SHB: variants seen among roughly 807,000 people sequenced by gnomAD.
SHB encodes the protein SH2 domain-containing adapter protein B.
In SHB, 20 loss-of-function variants were observed where a neutral mutation model predicts 52.3. The ratio of observed to expected loss-of-function variants is 0.38; its 90% confidence interval spans 0.27 to 0.56. The LOEUF is 0.56. Ranked by LOEUF, SHB falls within the 20% of genes least tolerant of loss-of-function variation. The pLI, the probability that SHB is intolerant of heterozygous loss-of-function variation, is 0.71. For missense variants in SHB, 825 were observed against 723.3 expected (o/e 1.14, Z -1.61); for synonymous variants, 397 against 316.5 (o/e 1.25, Z -2.70).
chr9:38,016,875 T>C (rs953925135), intron 1 of SHB, among the ~76,000 whole-genome samples: 4 of 152,146 alleles, frequency 2.6e-5, no homozygotes, highest in African/African-American at 9.7e-5. Context: ...TCCCCACTTG[T>C]CTGTAGTCCA....
intron 1 of SHB, among the ~76,000 whole-genome samples, chr9:38,036,887 T>C (rs1821496298): frequency 6.6e-6 from 1 of 152,198 alleles, no homozygotes; most frequent in South Asian, 2.1e-4. Flanking sequence ...CTGGATAACA[T>C]GTCCAAGGTC....
Position 38,068,840 on chromosome 9 carries a change from A to G in SHB, c.-195T>C, listed in dbSNP as rs1392964537. On this transcript the variant is annotated 5_prime_UTR_variant, in exon 1 of 6. Coordinates refer to ENST00000377707, the MANE Select transcript of SHB (RefSeq NM_003028.3). The stretch of plus-strand genomic sequence containing the variant: ...GCAGCTCTCTGGCTCCGGCGGCTGC[A>G]ACACCTCCCTCCGCCTAGCGCCGCC... 1.3e-5 allele frequency: 2 copies of G among 157,378 alleles called. No individual in the cohort carries two copies. The highest frequency in any genetic ancestry group is 2.8e-5 in the Non-Finnish European group (2 of 72,270). The allele number at this position is 157,378 out of a possible 1,614,324, so 9.7% of individuals were successfully genotyped here. A position where few individuals can be genotyped will look rare whatever the true frequency, so the allele number is the denominator to read the frequency against.
intron 5 of SHB, among the ~76,000 whole-genome samples, chr9:37,947,762 C>G (rs991178415): frequency 1.1e-4 from 16 of 152,198 alleles, no homozygotes; most frequent in Admixed American, 9.8e-4. Flanking sequence ...GGCCGGCTCT[C>G]CCTCCCATGG....
At chr9:37,940,211 G>GAGGTGCC (rs1832419678) in intron 5 of SHB, among the ~76,000 whole-genome samples, 1 of 152,226 alleles carries the variant, frequency 6.6e-6, no homozygotes, top group Non-Finnish European at 1.5e-5. Context: ...GAGTCCAGAA[G>GAGGTGCC]AGGTGCCAGT....
intron 1 of SHB, among the ~76,000 whole-genome samples, chr9:38,024,893 C>T (rs923436642): frequency 2.6e-5 from 4 of 152,158 alleles, no homozygotes; most frequent in African/African-American, 9.7e-5. Flanking sequence ...CTTGTGTGTG[C>T]ATGATTTCTG....
intron 5 of SHB, among the ~76,000 whole-genome samples, chr9:37,927,212 C>A (rs1036489207): frequency 2.0e-5 from 3 of 152,176 alleles, no homozygotes; most frequent in African/African-American, 7.2e-5. Flanking sequence ...CTCCTTCTAG[C>A]TGAGATGTTC....
At chr9:38,064,432 A>G (rs759203460) in intron 1 of SHB, among the ~76,000 whole-genome samples, 14 of 152,158 alleles carry the variant, frequency 9.2e-5, no homozygotes, top group African/African-American at 1.2e-4. Context: ...CAGGCCTCAC[A>G]TTGAGATTTT....
chr9:37,956,734 G>A (rs967775742), intron 3 of SHB, among the ~76,000 whole-genome samples: 2 of 152,184 alleles, frequency 1.3e-5, no homozygotes. Context: ...ACACCACAAA[G>A]AGCAGAAAGC....
rs1327582263 is a variant in SHB, at chr9:37,916,243, T to C, written c.*3578A>G. Among the ~76,000 whole-genome samples the C allele has an allele frequency of 1.3e-5, 2 of 152,236 alleles. No individual in the cohort carries two copies. The highest frequency in any genetic ancestry group is 1.5e-5 in the Non-Finnish European group (1 of 68,032). On this transcript the variant is annotated 3_prime_UTR_variant, in exon 6 of 6. Transcript: ENST00000377707. The stretch of plus-strand genomic sequence containing the variant: ...CAATTCTGGAAGGGTGGAGAGACAG[T>C]TGGCTGGACAGCTGCCTGATTCGGC...
intron 1 of SHB, among the ~76,000 whole-genome samples, chr9:38,039,902 C>T (rs1048833539): frequency 1.3e-5 from 2 of 152,238 alleles, no homozygotes; most frequent in Non-Finnish European, 2.9e-5. Flanking sequence ...GTCTGGCGGC[C>T]CATGCCCTGC....
At position 38,068,680 on chromosome 9, in the gene SHB, C is replaced by G. The variant is rs750764036; in HGVS notation, c.-35G>C. 7 of 1,269,014 alleles carry G rather than the reference C, an allele frequency of 5.5e-6. No homozygotes were observed. The South Asian group carries it at 8.2e-5, about 15-fold the overall frequency. 78.6% of individuals were successfully genotyped at this position (1,269,014 alleles called of 1,614,324 possible). On this transcript the variant is annotated 5_prime_UTR_variant, in exon 1 of 6. Transcript: ENST00000377707. Reference sequence around the variant, plus strand: ...CCGCCTAGGGCCGCGGCGCGGGAGCCCGGTCCGCCGCCGCGGCCATTCGGG... The same window carrying G: ...CCGCCTAGGGCCGCGGCGCGGGAGCGCGGTCCGCCGCCGCGGCCATTCGGG...
At chr9:38,039,618 G>A (rs1821543936) in intron 1 of SHB, among the ~76,000 whole-genome samples, 2 of 152,266 alleles carry the variant, frequency 1.3e-5, no homozygotes, top group South Asian at 4.1e-4. Context: ...AGGTCCCGTT[G>A]TAATCCTACT....
intron 5 of SHB, among the ~76,000 whole-genome samples, chr9:37,926,670 C>T (rs1032835179): frequency 2.0e-5 from 3 of 152,190 alleles, no homozygotes; most frequent in African/African-American, 4.8e-5. Context: ...GATAAAGAGG[C>T]GGTAGAGATC....
At chr9:37,990,694 A>G (rs1227730337) in intron 2 of SHB, among the ~76,000 whole-genome samples, 1 of 151,298 alleles carries the variant, frequency 6.6e-6, no homozygotes, top group Non-Finnish European at 1.5e-5. Flanking sequence ...CACAGGCAGA[A>G]ACAACTGCTC....
At chr9:37,983,029 CAACT>C (rs549415931) in intron 2 of SHB, among the ~76,000 whole-genome samples, 179 of 151,618 alleles carry the variant, frequency 1.2e-3, no homozygotes, top group African/African-American at 3.8e-3. Context: ...CCCAACCAAC[CAACT>C]ATCTACTGAA....
intron 5 of SHB, among the ~76,000 whole-genome samples, chr9:37,937,106 T>C (rs999987732): frequency 6.6e-6 from 1 of 152,216 alleles, no homozygotes; most frequent in African/African-American, 2.4e-5. Context: ...GCCACACCTC[T>C]GTACATCACA....
chr9:37,923,513 G>A (rs889801688), intron 5 of SHB, among the ~76,000 whole-genome samples: 8 of 152,218 alleles, frequency 5.3e-5, no homozygotes, highest in South Asian at 2.1e-4. Flanking sequence ...GTCAGGTGAC[G>A]CCTTGTCCAC....
chr9:37,944,736 C>T (rs547803613), intron 5 of SHB, among the ~76,000 whole-genome samples: 5 of 152,318 alleles, frequency 3.3e-5, no homozygotes, highest in Admixed American at 2.0e-4. Context: ...TCTCCTGCAC[C>T]TCCATGGCTC....
At chr9:37,965,320 C>G (rs1832737181) in intron 3 of SHB, among the ~76,000 whole-genome samples, 1 of 152,226 alleles carries the variant, frequency 6.6e-6, no homozygotes, top group African/African-American at 2.4e-5. Context: ...GATTCATAGT[C>G]AATCCTCAGA....
Sources: allele counts gnomAD v4.1 joint callset (sites outside exome capture counted in the v4.1 genomes callset), GRCh38; gene constraint gnomAD v4.1.1; transcripts MANE v1.5; gene names NCBI Gene and HGNC (gene_info 2026-07-23, HGNC 2026-07-21).